WDR62: variants seen among roughly 807,000 people sequenced by gnomAD.
WDR62 encodes WD repeat domain 62, also known as WD repeat-containing protein 62.
WDR62 carries 112 observed loss-of-function variants against 160.6 expected under a neutral mutation model. The observed-to-expected ratio is 0.70, with a 90% CI of 0.60 to 0.82. The LOEUF (loss-of-function observed/expected upper bound fraction) is 0.82. Ranked by LOEUF, WDR62 falls within the 40% of genes least tolerant of loss-of-function variation. The probability of loss-of-function intolerance (pLI) is 0.00; values close to 1 mark genes in which losing one functional copy is unlikely to be tolerated. For synonymous variants in WDR62, 792 were observed against 815.1 expected, an observed-to-expected ratio of 0.97 and a Z score of 0.48; for missense variants, 1,819 against 1,983.8, an observed-to-expected ratio of 0.92 and a Z score of 1.58.
chr19:36,069,274 C>T (rs1207091630), intron 7 of WDR62, among the ~76,000 whole-genome samples: 4 of 150,674 alleles, frequency 2.7e-5, no homozygotes, highest in South Asian at 2.1e-4. Flanking sequence ...ACTTCTCAGA[C>T]GGGGCGGCTG....
Position 36,092,779 on chromosome 19 carries a change from C to A in WDR62, c.2301C>A (p.His767Gln), listed in dbSNP as rs1273557271. 1 of 1,614,148 alleles carries A rather than the reference C, an allele frequency of 6.2e-7. No individual in the cohort carries two copies. ...LEIDHRQQQQ[H>Q]TNDKKRSGHP... ...TTGACCACCGGCAGCAGCAGCAGCA[C>A]ACAAATGACAAGAAGCGGAGTGGCC... is the stretch of plus-strand genomic sequence containing the variant. The change falls in exon 19 of 32, where the codon CAC (histidine) becomes CAA (glutamine). Residue 767 changes from histidine to glutamine, a missense_variant. By Grantham distance (24) the His-to-Gln change is conservative (BLOSUM62 0). Around this residue, in one of 3 missense-constraint regions of WDR62, gnomAD observed 934 missense variants for 1,157.2 expected, o/e 0.81. Transcript: ENST00000401500.
Position 36,058,768 on chromosome 19 carries a change from T to C in WDR62, c.178-12T>C. On this transcript the variant is annotated splice_polypyrimidine_tract_variant and intron_variant, in intron 1 of 31. Coordinates refer to ENST00000401500, the MANE Select transcript of WDR62 (RefSeq NM_001083961.2). The stretch of plus-strand genomic sequence containing the variant: ...AGGGTGGGTGCCTCTGACTTGGGCT[T>C]TTTCTTTGCAGGTGTCACTCGAGAA... 1 of 1,613,588 alleles carries C rather than the reference T, an allele frequency of 6.2e-7. No individual in the cohort carries two copies. The highest frequency in any genetic ancestry group is 8.5e-7 in the Non-Finnish European group (1 of 1,179,640).
chr19:36,067,921 A>G lies in WDR62; in HGVS notation c.793A>G (p.Met265Val). Reference sequence around the variant, plus strand: ...TGGTGTGGCCTGCGGTCGGGGCCGGATGGCGGGCAGTACCTTCTGTGTGTC... The same window carrying G: ...TGGTGTGGCCTGCGGTCGGGGCCGGGTGGCGGGCAGTACCTTCTGTGTGTC... ...FCGVACGRGR[M>V]AGSTFCVSYS... is the part of the protein sequence containing the mutation. Residue 265 changes from methionine to valine, a missense_variant, in exon 7 of 32, where the codon ATG becomes GTG. Coordinates refer to ENST00000401500, the MANE Select transcript of WDR62 (RefSeq NM_001083961.2). 5 of 1,614,126 alleles carry G rather than the reference A, an allele frequency of 3.1e-6. No individual in the cohort carries two copies. Among genetic ancestry groups the G allele is most frequent in the Non-Finnish European group, 4.2e-6 (5 of 1,180,024 alleles).
chr19:36,069,866 C>T (rs1413886175), intron 7 of WDR62, among the ~76,000 whole-genome samples: 3 of 152,054 alleles, frequency 2.0e-5, no homozygotes, highest in African/African-American at 7.2e-5. Context: ...GGCGTGGCGG[C>T]GCGCGCCTGC....
intron 9 of WDR62, 59 bp from the exon 10 acceptor site, chr19:36,081,374 A>G: frequency 2.2e-6 from 3 of 1,338,794 alleles, no homozygotes; most frequent in Non-Finnish European, 3.2e-6. Flanking sequence ...TGAAAATGCA[A>G]CAGTAAGTCA....
Position 36,102,114 on chromosome 19 carries a change from C to T in WDR62, c.3183C>T (p.Arg1061=). ...PQTPEQEKFL[R]HHFETLTESP... is the part of the protein sequence containing the mutation. ...CTCCGGAGCAGGAGAAGTTCCTCCG[C>T]CACCACTTTGAGACACTGACTGAGT... is the stretch of plus-strand genomic sequence containing the variant. Residue 1061 remains arginine, a synonymous_variant, in exon 26 of 32, where the codon CGC becomes CGT. Coordinates refer to ENST00000401500, the MANE Select transcript of WDR62 (RefSeq NM_001083961.2). 1 of 1,614,156 alleles carries T rather than the reference C, an allele frequency of 6.2e-7. No individual in the cohort carries two copies. The highest frequency in any genetic ancestry group is 8.5e-7 in the Non-Finnish European group (1 of 1,180,044).
At chr19:36,080,194 G>A (rs1425107248) in intron 9 of WDR62, among the ~76,000 whole-genome samples, 9 of 151,560 alleles carry the variant, frequency 5.9e-5, no homozygotes, top group East Asian at 1.9e-4. Flanking sequence ...TGCAAGCTCC[G>A]CCTCCCAGGT....
intron 1 of WDR62, among the ~76,000 whole-genome samples, chr19:36,057,579 A>G (rs1466305758): frequency 6.6e-6 from 1 of 151,172 alleles, no homozygotes; most frequent in Non-Finnish European, 1.5e-5. Flanking sequence ...CAATGGTGCC[A>G]TCTCAGCTCA....
intron 20 of WDR62, 80 bp downstream of exon 20, chr19:36,094,244 G>T (rs775955612): frequency 1.3e-6 from 2 of 1,575,268 alleles, no homozygotes; most frequent in Non-Finnish European, 8.7e-7. Flanking sequence ...TGTTTACAGG[G>T]CCTGGCACAT....
chr19:36,103,980 C>T lies in WDR62; in HGVS notation c.4152C>T (p.Ser1384=), dbSNP rs568715354. 76 of 1,597,708 alleles carry T rather than the reference C, an allele frequency of 4.8e-5. No homozygotes were observed. The highest frequency in any genetic ancestry group is 8.8e-5 in the South Asian group (8 of 91,026). Residue 1384 remains serine, a splice_region_variant and synonymous_variant, in exon 30 of 32, where the codon TCC becomes TCT. Coordinates refer to ENST00000401500, the MANE Select transcript of WDR62 (RefSeq NM_001083961.2). The part of the protein sequence containing the change: ...GGTASLLEPT[S]GALGLLQGSP... ...CTGCCTCCCTCCTGGAGCCCACCTC[C>T]GGTGAGTACAGCCCTGGAGCAAGGA...
At chr19:36,067,066 G>C (rs1970979465) in intron 5 of WDR62, among the ~76,000 whole-genome samples, 1 of 152,294 alleles carries the variant, frequency 6.6e-6, no homozygotes, top group Non-Finnish European at 1.5e-5. Context: ...TTAGACCCTT[G>C]GAGAGAGCTC....
intron 3 of WDR62, among the ~76,000 whole-genome samples, chr19:36,065,577 C>A (rs1248366097): frequency 6.6e-6 from 1 of 152,184 alleles, no homozygotes; most frequent in African/African-American, 2.4e-5. Context: ...CAGGATCCTC[C>A]CATCAGCACC....
chr19:36,070,858 G>T (rs2145620040), intron 7 of WDR62: 1 of 152,702 alleles, frequency 6.5e-6, no homozygotes, highest in African/African-American at 2.4e-5. Flanking sequence ...ACTTTTTTCT[G>T]TACCGCTTTG....
At chr19:36,090,585 C>G in intron 16 of WDR62, 65 bp downstream of exon 16, 1 of 1,448,070 alleles carries the variant, frequency 6.9e-7, no homozygotes, top group Non-Finnish European at 9.7e-7. Context: ...ACGGCCCACA[C>G]CTGAGACCTG....
chr19:36,103,542 G>C lies in WDR62; in HGVS notation c.3714G>C (p.Glu1238Asp). The C allele has an allele frequency of 1.2e-6, 2 of 1,614,046 alleles. No homozygotes were observed. Among genetic ancestry groups the C allele is most frequent in the Non-Finnish European group, 1.7e-6 (2 of 1,180,022 alleles). Reference sequence around the variant, plus strand: ...GCAGCATCTCCCTCGGTGACAGTGAGGGCCCTATCGTGGCCACACTGGCCC... The same window carrying C: ...GCAGCATCTCCCTCGGTGACAGTGACGGCCCTATCGTGGCCACACTGGCCC... ...ISRSISLGDS[E>D]GPIVATLAQP... Residue 1238 changes from glutamate (E) to aspartate (D), a missense_variant, in exon 30 of 32, where the codon GAG (glutamate) becomes GAC (aspartate). Transcript: ENST00000401500.
chr19:36,109,444 T>C (rs912033810), downstream of WDR62, among the ~76,000 whole-genome samples: 2 of 152,198 alleles, frequency 1.3e-5, no homozygotes, highest in African/African-American at 4.8e-5. Flanking sequence ...CTTAGAAAAT[T>C]GTTTAGTTGC....
chr19:36,068,929 C>A (rs1193058017), intron 7 of WDR62, among the ~76,000 whole-genome samples: 1 of 151,934 alleles, frequency 6.6e-6, no homozygotes, highest in Non-Finnish European at 1.5e-5. Context: ...CCAGAAGGGG[C>A]GGCCGGGCAG....
At chr19:36,097,384 G>A (rs1973038335) in intron 21 of WDR62, among the ~76,000 whole-genome samples, 1 of 152,242 alleles carries the variant, frequency 6.6e-6, no homozygotes, top group Non-Finnish European at 1.5e-5. Context: ...TAGGTTGGGT[G>A]CTGATAAGTG....
Position 36,103,530 on chromosome 19 carries a change from C to G in WDR62, c.3702C>G (p.Leu1234=). 1 of 1,614,126 alleles carries G rather than the reference C, an allele frequency of 6.2e-7. No individual in the cohort carries two copies. Residue 1234 remains leucine (L), a synonymous_variant, in exon 30 of 32, where the codon CTC becomes CTG. Coordinates refer to ENST00000401500, the MANE Select transcript of WDR62 (RefSeq NM_001083961.2). ...SRARISRSIS[L]GDSEGPIVAT... ...CCAGGATATCACGCAGCATCTCCCTCGGTGACAGTGAGGGCCCTATCGTGG... is the reference window on the plus strand; with the variant it reads ...CCAGGATATCACGCAGCATCTCCCTGGGTGACAGTGAGGGCCCTATCGTGG...
Sources: allele counts gnomAD v4.1 joint callset (sites outside exome capture counted in the v4.1 genomes callset), GRCh38; gene constraint gnomAD v4.1.1; regional missense constraint gnomAD v4.1.1; transcripts MANE v1.5; gene names NCBI Gene and HGNC (gene_info 2026-07-23, HGNC 2026-07-21).